CADPS: variants seen among roughly 807,000 people sequenced by gnomAD.
CADPS encodes the protein calcium dependent secretion activator.
In CADPS, 57 loss-of-function variants were observed where a neutral mutation model predicts 167.3. That is an observed-to-expected ratio of 0.34 (90% confidence interval 0.28 to 0.42). CADPS has a LOEUF of 0.42. Among genes scored for constraint, CADPS ranks in the 20% least tolerant of loss-of-function variants. The pLI is 1.00. For missense variants in CADPS, 1,414 were observed against 1,738.1 expected (o/e 0.81, Z 3.32); for synonymous variants, 676 against 635.3 (o/e 1.06, Z -0.96).
Position 62,544,179 on chromosome 3 carries a change from A to T in CADPS, c.1966+5724T>A, listed in dbSNP as rs2076122272. The stretch of plus-strand genomic sequence containing the variant: ...GTTTTTGTGTGTGCTAGTTCCATGT[A>T]TTGTAGCTCTCCTTTCAAAATTAAT... On this transcript the variant is annotated intron_variant, in intron 11 of 29. Coordinates refer to ENST00000383710, the MANE Select transcript of CADPS (RefSeq NM_003716.4). This position sits in a 1 kb window ranked among gnomAD's most constrained non-coding sequence, Gnocchi z 4.4. Among the ~76,000 whole-genome samples the T allele has an allele frequency of 6.6e-6, 1 of 152,078 alleles. No homozygotes were observed. The highest frequency in any genetic ancestry group is 2.4e-5 in the African/African-American group (1 of 41,426).
intron 1 of CADPS, among the ~76,000 whole-genome samples, chr3:62,873,841 G>A (rs943290987): frequency 6.6e-5 from 10 of 152,122 alleles, no homozygotes; most frequent in African/African-American, 2.4e-4. Context: ...CGGCGGAGGG[G>A]CTGACCCGGA....
At chr3:62,529,576 C>G (rs2073168433) in intron 13 of CADPS, among the ~76,000 whole-genome samples, 1 of 152,194 alleles carries the variant, frequency 6.6e-6, no homozygotes, top group South Asian at 2.1e-4. Context: ...GAAACACAAA[C>G]AGAAATTGCA....
intron 3 of CADPS, among the ~76,000 whole-genome samples, chr3:62,696,256 A>G (rs2080255522): frequency 6.6e-6 from 1 of 152,092 alleles, no homozygotes; most frequent in Admixed American, 6.6e-5. Context: ...CTATGGGGAA[A>G]GCTGCAGGGT....
intron 26 of CADPS, among the ~76,000 whole-genome samples, chr3:62,449,305 C>T (rs541549715): frequency 6.6e-6 from 1 of 152,156 alleles, no homozygotes; most frequent in South Asian, 2.1e-4. Context: ...GTTTCTTTAC[C>T]TACATGAGAG....
rs372541176 is a variant in CADPS, at chr3:62,569,349, G to A, written c.1644+1523C>T. Among the ~76,000 whole-genome samples, 36 of 152,298 alleles carry A rather than the reference G, an allele frequency of 2.4e-4. No homozygotes were observed. In the East Asian group the frequency reaches 4.6e-3, roughly 20 times the overall value. ...ACTCCTGATCTCAGGTGATCCACCC[G>A]TCTCGGCTTCCCAAAGTGCTGGGAT... is the stretch of plus-strand genomic sequence containing the variant. On this transcript the variant is annotated intron_variant, in intron 9 of 29. Coordinates refer to ENST00000383710, the MANE Select transcript of CADPS (RefSeq NM_003716.4).
At chr3:62,567,530 C>G (rs1303754022) in intron 9 of CADPS, among the ~76,000 whole-genome samples, 1 of 143,656 alleles carries the variant, frequency 7.0e-6, no homozygotes, top group Non-Finnish European at 1.5e-5. Flanking sequence ...ATGAGAAGCA[C>G]TGAGGGGCGA....
At chr3:62,407,965 C>CCTCA (rs1242148213) in intron 28 of CADPS, among the ~76,000 whole-genome samples, 4 of 152,280 alleles carry the variant, frequency 2.6e-5, no homozygotes, top group Non-Finnish European at 5.9e-5. Flanking sequence ...GAACCCCTGA[C>CCTCA]CTCAGGTGAT....
At chr3:62,556,148 G>A (rs1278981943) in intron 10 of CADPS, among the ~76,000 whole-genome samples, 1 of 152,184 alleles carries the variant, frequency 6.6e-6, no homozygotes, top group Non-Finnish European at 1.5e-5. Flanking sequence ...CTAAGGACTG[G>A]TTTCCTAAGG....
chr3:62,688,442 T>C (rs2078497481), intron 3 of CADPS, among the ~76,000 whole-genome samples: 1 of 152,068 alleles, frequency 6.6e-6, no homozygotes, highest in Admixed American at 6.6e-5. Flanking sequence ...GAGATGTTGT[T>C]ACTGTTTTGC....
At chr3:62,642,110 G>GGA (rs1554028321) in intron 6 of CADPS, among the ~76,000 whole-genome samples, 1 of 145,674 alleles carries the variant, frequency 6.9e-6, no homozygotes, top group Non-Finnish European at 1.5e-5. Flanking sequence ...GGCTATACTT[G>GGA]AAAAAAAAAA....
intron 2 of CADPS, among the ~76,000 whole-genome samples, chr3:62,760,505 T>C (rs2085137616): frequency 6.6e-6 from 1 of 152,136 alleles, no homozygotes; most frequent in Non-Finnish European, 1.5e-5. Context: ...CTGAGGTTCC[T>C]CAGCCTCATA....
chr3:62,719,416 A>G (rs1456589196), intron 3 of CADPS, among the ~76,000 whole-genome samples: 1 of 152,200 alleles, frequency 6.6e-6, no homozygotes, highest in Non-Finnish European at 1.5e-5. Context: ...CTGACCCCAC[A>G]GACTATATCA....
At chr3:62,629,757 GTTTT>G (rs55956118) in intron 6 of CADPS, among the ~76,000 whole-genome samples, 2 of 145,678 alleles carry the variant, frequency 1.4e-5, no homozygotes, top group Non-Finnish European at 3.0e-5. Context: ...CTCTGGTACA[GTTTT>G]TTTTTTGTTT....
At chr3:62,629,518 G>T (rs957350495) in intron 6 of CADPS, among the ~76,000 whole-genome samples, 1 of 152,138 alleles carries the variant, frequency 6.6e-6, no homozygotes, top group Non-Finnish European at 1.5e-5. Flanking sequence ...AATCTGGGAC[G>T]CCATCACTCA....
At chr3:62,814,051 C>T (rs1032399452) in intron 1 of CADPS, among the ~76,000 whole-genome samples, 7 of 152,070 alleles carry the variant, frequency 4.6e-5, no homozygotes, top group Admixed American at 2.0e-4. Context: ...ATAGAAACTT[C>T]GAAATAATAA....
At chr3:62,660,783 C>T (rs1170797390) in intron 4 of CADPS, among the ~76,000 whole-genome samples, 1 of 152,148 alleles carries the variant, frequency 6.6e-6, no homozygotes, top group Non-Finnish European at 1.5e-5. Flanking sequence ...TTTTATTCTT[C>T]ATGGATTTTT....
chr3:62,801,368 T>C (rs2093752271), intron 1 of CADPS, among the ~76,000 whole-genome samples: 1 of 152,146 alleles, frequency 6.6e-6, no homozygotes, highest in Non-Finnish European at 1.5e-5. Context: ...ATAGAATTTA[T>C]ATTTATTTGC....
chr3:62,436,756 T>C (rs1455199363), intron 28 of CADPS, among the ~76,000 whole-genome samples: 2 of 152,084 alleles, frequency 1.3e-5, no homozygotes, highest in African/African-American at 2.4e-5. Context: ...TCCATTTTTA[T>C]CTGAGAGAGG....
chr3:62,642,366 G>C (rs902341840), intron 6 of CADPS, among the ~76,000 whole-genome samples: 3 of 152,166 alleles, frequency 2.0e-5, no homozygotes, highest in African/African-American at 7.2e-5. Context: ...AGAGGATGAA[G>C]TGGAGTTATT....
Sources: allele counts gnomAD v4.1 joint callset (sites outside exome capture counted in the v4.1 genomes callset), GRCh38; gene constraint gnomAD v4.1.1; non-coding constraint Gnocchi (gnomAD v3.1); transcripts MANE v1.5; gene names NCBI Gene and HGNC (gene_info 2026-07-23, HGNC 2026-07-21).